Variants in GREB1L observed in about 807,000 individuals in gnomAD.
GREB1L encodes GREB1 like retinoic acid receptor coactivator, also known as GREB1-like protein.
Under a neutral mutation model 200.8 loss-of-function variants are expected in GREB1L, and 17 were observed. The observed-to-expected ratio is 0.08, with a 90% CI of 0.06 to 0.13. The LOEUF (loss-of-function observed/expected upper bound fraction) is 0.13. Among genes scored for constraint, GREB1L ranks in the 10% least tolerant of loss-of-function variants. The pLI is 1.00. For missense variants in GREB1L, 1,657 were observed against 2,367.7 expected (o/e 0.70, Z 6.23); for synonymous variants, 789 against 893.0 (o/e 0.88, Z 2.08).
At chr18:21,322,418 C>G (rs181383987) in intron 1 of GREB1L, among the ~76,000 whole-genome samples, 1 of 151,982 alleles carries the variant, frequency 6.6e-6, no homozygotes, top group Non-Finnish European at 1.5e-5. Context: ...GTAAAGAAAA[C>G]TTTAAAATGC....
At chr18:21,333,552 G>A (rs1364560201) in intron 1 of GREB1L, among the ~76,000 whole-genome samples, 1 of 151,884 alleles carries the variant, frequency 6.6e-6, no homozygotes, top group African/African-American at 2.4e-5. Context: ...GCAGGTGCCT[G>A]TAATCCCAGC....
chr18:21,456,098 G>T (rs1372809472), intron 15 of GREB1L, among the ~76,000 whole-genome samples: 4 of 151,854 alleles, frequency 2.6e-5, no homozygotes, highest in Non-Finnish European at 5.9e-5. Context: ...TAGAGACAGG[G>T]TTTCACTATA....
At chr18:21,319,833 A>G (rs2038925620) in intron 1 of GREB1L, among the ~76,000 whole-genome samples, 1 of 152,212 alleles carries the variant, frequency 6.6e-6, no homozygotes, top group African/African-American at 2.4e-5. Flanking sequence ...TTAGTTATGA[A>G]CATTGAGAAT....
At chr18:21,449,963 T>C (rs2145409183) in intron 12 of GREB1L, 127 bp downstream of exon 12, 1 of 748,986 alleles carries the variant, frequency 1.3e-6, no homozygotes, top group Non-Finnish European at 2.1e-6. Context: ...GAGCTTGGGC[T>C]CATCCTCCTA....
chr18:21,520,560 G>T, intron 31 of GREB1L, 128 bp from the exon 32 acceptor site: 1 of 1,040,392 alleles, frequency 9.6e-7, no homozygotes, highest in South Asian at 1.6e-5. Context: ...AGTTAATATT[G>T]GAAAAAACTC....
intron 17 of GREB1L, among the ~76,000 whole-genome samples, chr18:21,482,258 T>G (rs1568046493): frequency 6.6e-6 from 1 of 152,198 alleles, no homozygotes; most frequent in African/African-American, 2.4e-5. Flanking sequence ...AGAAGTTTTT[T>G]GTTTTGTTTT....
In GREB1L at chr18:21,496,650, G is replaced by T. The variant is rs552744472; in HGVS notation, c.3343G>T (p.Asp1115Tyr). ...GAATGACTCCGATGAGCTGCTCATC[G>T]ACCTGGAGCGGCCCCAGAGCAACAG... ...SENDSDELLIDLERPQSNSSA... is the reference protein window; with the variant it reads ...SENDSDELLIYLERPQSNSSA... Residue 1115 changes from aspartate (D) to tyrosine (Y), a missense_variant, in exon 21 of 33, where the codon GAC becomes TAC. Asp to Tyr is a radical substitution (Grantham distance 160, BLOSUM62 -3). Transcript: ENST00000424526. 1.3e-6 allele frequency: 2 copies of T among 1,551,526 alleles called. No individual in the cohort carries two copies. Among genetic ancestry groups the T allele is most frequent in the African/African-American group, 2.7e-5 (2 of 73,030 alleles).
Position 21,489,952 on chromosome 18 carries a change from G to A in GREB1L, c.2691-60G>A, listed in dbSNP as rs986518184. On this transcript the variant is annotated intron_variant, in intron 18 of 32. Coordinates refer to ENST00000424526, the MANE Select transcript of GREB1L (RefSeq NM_001142966.3). ...CTTAATCTGCATTCTTACTGCACAG[G>A]CCTTGCTGCTCCCAGCTGGCCCTGC... 10 of 1,238,702 alleles carry A rather than the reference G, an allele frequency of 8.1e-6. No individual in the cohort carries two copies. In the African/African-American group the frequency reaches 1.5e-4, roughly 18 times the overall value. 76.7% of individuals were successfully genotyped at this position (1,238,702 alleles called of 1,614,324 possible).
intron 15 of GREB1L, among the ~76,000 whole-genome samples, chr18:21,458,409 C>T (rs1256337365): frequency 6.6e-6 from 1 of 152,150 alleles, no homozygotes; most frequent in Non-Finnish European, 1.5e-5. Context: ...AAACAGTGTC[C>T]AAGGTCTCTG....
intron 2 of GREB1L, among the ~76,000 whole-genome samples, chr18:21,379,125 A>G (rs2040198238): frequency 6.6e-6 from 1 of 152,156 alleles, no homozygotes; most frequent in South Asian, 2.1e-4. Context: ...GAAGAGATTG[A>G]GATTATGTGA....
intron 30 of GREB1L, 97 bp from the exon 31 acceptor site, chr18:21,517,937 A>G (rs1316399839): frequency 5.6e-6 from 5 of 896,924 alleles, no homozygotes; most frequent in African/African-American, 5.0e-5. Context: ...TGCTACTGCT[A>G]TTATTTGGCG....
intron 1 of GREB1L, among the ~76,000 whole-genome samples, chr18:21,263,312 G>A (rs1350395120): frequency 6.6e-6 from 1 of 152,198 alleles, no homozygotes; most frequent in East Asian, 1.9e-4. Flanking sequence ...TTGTTGGTAG[G>A]TCACTATCCT....
At chr18:21,340,055 C>T (rs2039244719) in intron 1 of GREB1L, among the ~76,000 whole-genome samples, 1 of 152,180 alleles carries the variant, frequency 6.6e-6, no homozygotes, top group African/African-American at 2.4e-5. Flanking sequence ...TCGCCCCCAC[C>T]CGCAGGATCT....
chr18:21,356,347 C>G (rs1350400694), intron 1 of GREB1L, among the ~76,000 whole-genome samples: 3 of 152,110 alleles, frequency 2.0e-5, no homozygotes, highest in Non-Finnish European at 2.9e-5. Flanking sequence ...AGTCCAGCCC[C>G]TGATAACTGT....
chr18:21,268,407 T>A (rs1174071721), intron 1 of GREB1L, among the ~76,000 whole-genome samples: 1 of 150,424 alleles, frequency 6.6e-6, no homozygotes, highest in Non-Finnish European at 1.5e-5. Context: ...ATAGTTCTTC[T>A]TGCTTGAAGT....
At chr18:21,504,828 G>A (rs1427567078) in intron 23 of GREB1L, among the ~76,000 whole-genome samples, 17 of 152,102 alleles carry the variant, frequency 1.1e-4, no homozygotes, top group Non-Finnish European at 1.8e-4. Flanking sequence ...AAGGTGTGAC[G>A]CTGTAAGGGG....
chr18:21,510,429 A>C (rs1466334726), intron 27 of GREB1L, among the ~76,000 whole-genome samples: 8 of 152,164 alleles, frequency 5.3e-5, no homozygotes, highest in African/African-American at 1.9e-4. Context: ...TATCAGTGGA[A>C]TGATACAGTA....
rs994874201 is a variant in GREB1L, at chr18:21,441,496, A to G, written c.1166A>G (p.Asn389Ser). The change falls in exon 10 of 33, where the codon AAC (asparagine) becomes AGC (serine). Residue 389 changes from asparagine (N) to serine (S), a missense_variant. This residue lies in a region of GREB1L where 289 missense variants were observed against 345.1 expected (regional missense o/e 0.84). Transcript: ENST00000424526. ...GGGGAAACTGTAATTGTTCCTGAAA[A>G]CCTGCTGAGTAACTCAGGAGTTAGA... The part of the protein sequence containing the change: ...PAGETVIVPE[N>S]LLSNSGVRPV... The G allele has an allele frequency of 1.3e-6, 2 of 1,551,506 alleles. No individual in the cohort carries two copies. Among genetic ancestry groups the G allele is most frequent in the Non-Finnish European group, 1.7e-6 (2 of 1,146,864 alleles).
At chr18:21,368,655 T>C (rs1480988559) in intron 2 of GREB1L, among the ~76,000 whole-genome samples, 2 of 152,204 alleles carry the variant, frequency 1.3e-5, no homozygotes, top group Non-Finnish European at 2.9e-5. Context: ...TATTTGGCAA[T>C]AGTATTTAAG....
Sources: allele counts gnomAD v4.1 joint callset (sites outside exome capture counted in the v4.1 genomes callset), GRCh38; gene constraint gnomAD v4.1.1; regional missense constraint gnomAD v4.1.1; transcripts MANE v1.5; gene names NCBI Gene and HGNC (gene_info 2026-07-23, HGNC 2026-07-21).